The following PTPN18 variants were observed in gnomAD, a reference collection of about 807,000 sequenced individuals.
The protein encoded by PTPN18 is protein tyrosine phosphatase non-receptor type 18, also known as tyrosine-protein phosphatase non-receptor type 18.
A neutral mutation model predicts 65.4 loss-of-function variants in PTPN18; 65 were observed. The ratio of observed to expected loss-of-function variants is 0.99; its 90% confidence interval spans 0.81 to 1.22. The LOEUF is 1.22. Ranked by LOEUF, PTPN18 falls within the 50% of genes most tolerant of loss-of-function variation. PTPN18 has a pLI of 0.00. For missense variants in PTPN18, 616 were observed against 646.5 expected, an observed-to-expected ratio of 0.95 and a Z score of 0.51; for synonymous variants, 255 against 267.8, an observed-to-expected ratio of 0.95 and a Z score of 0.47.
At chr2:130,364,686 CT>C (rs1680327331) in intron 5 of PTPN18, among the ~76,000 whole-genome samples, 1 of 152,192 alleles carries the variant, frequency 6.6e-6, no homozygotes, top group Admixed American at 6.5e-5. Context: ...GTCCCAGCTA[CT>C]CGGGAGGCTG....
At position 130,373,164 on chromosome 2, in the gene PTPN18, C is replaced by T. The variant is rs1449991666; in HGVS notation, c.1323C>T (p.Asn441=). 5.0e-6 allele frequency: 8 copies of T among 1,594,686 alleles called. No homozygotes were observed. The highest frequency in any genetic ancestry group is 6.8e-6 in the Non-Finnish European group (8 of 1,169,950). The change falls in exon 15 of 15, where the codon AAC becomes AAT. Residue 441 remains asparagine, a synonymous_variant. Transcript: ENST00000175756. The surrounding 1 kb of genome is among the most constrained non-coding windows in gnomAD (Gnocchi z 4.1). ...GGAQTGGLGF[N]LRIGRPKGPR... is the part of the protein sequence containing the mutation. ...GCACCCTTCTTCTCCCAGGTTTCAA[C>T]CTGCGCATTGGGAGGCCGAAGGGTC...
intron 12 of PTPN18, 72 bp from the exon 13 acceptor site, chr2:130,372,185 C>A: frequency 2.1e-6 from 3 of 1,421,520 alleles, no homozygotes; most frequent in East Asian, 2.7e-5. Flanking sequence ...GGTTTGCGCG[C>A]TGAGCAGCCT....
chr2:130,374,010 C>T lies in PTPN18; in HGVS notation c.*786C>T, dbSNP rs974798085. The T allele has an allele frequency of 6.5e-6, 1 of 152,880 alleles. No homozygotes were observed. Among genetic ancestry groups the T allele is most frequent in the Non-Finnish European group, 1.5e-5 (1 of 68,600 alleles). 9.5% of individuals were successfully genotyped at this position (152,880 alleles called of 1,614,324 possible). Reference sequence around the variant, plus strand: ...GTGGGCTGGCTGGCTGACAGACCTTCTGGCCAGACAGACTCCTAACCAACC... The same window carrying T: ...GTGGGCTGGCTGGCTGACAGACCTTTTGGCCAGACAGACTCCTAACCAACC... On this transcript the variant is annotated 3_prime_UTR_variant, in exon 15 of 15. Transcript: ENST00000175756.
Position 130,370,157 on chromosome 2 carries a change from G to T in PTPN18, c.656G>T (p.Gly219Val), listed in dbSNP as rs1680510113. The T allele has an allele frequency of 4.3e-6, 7 of 1,613,350 alleles. No individual in the cohort carries two copies. The East Asian group carries it at 1.1e-4, about 26-fold the overall frequency. The change falls in exon 8 of 15, where the codon GGA (glycine) becomes GTA (valine). Residue 219 changes from glycine (G) to valine (V), a missense_variant. By Grantham distance (109) the Gly-to-Val change is moderately radical. Coordinates refer to ENST00000175756, the MANE Select transcript of PTPN18 (RefSeq NM_014369.4). ...GTGGAGGAAGCCCGTCGCCTCCAGGGATCTGGCCCTGAACCCCTCTGTGTC... is the reference window on the plus strand; with the variant it reads ...GTGGAGGAAGCCCGTCGCCTCCAGGTATCTGGCCCTGAACCCCTCTGTGTC... ...AMVEEARRLQ[G>V]SGPEPLCVHC...
chr2:130,361,528 T>TTCTTTC (rs1680200680), intron 5 of PTPN18, among the ~76,000 whole-genome samples: 3 of 135,176 alleles, frequency 2.2e-5, no homozygotes, highest in African/African-American at 8.9e-5. Flanking sequence ...CTTTCTTTCT[T>TTCTTTC]TCTTTCTTTC....
chr2:130,371,054 G>A, intron 11 of PTPN18, 90 bp downstream of exon 11: 1 of 1,441,372 alleles, frequency 6.9e-7, no homozygotes, highest in South Asian at 1.2e-5. Context: ...GGGACTACTG[G>A]GAGCAGGCAC....
Position 130,356,140 on chromosome 2 carries a change from C to T in PTPN18, c.33C>T (p.Phe11=). MSRSLDSARS[F]LERLEARGGR... ...GCAGCCTGGACTCGGCGCGGAGCTT[C>T]CTGGAGCGGCTGGAAGCGCGGGGCG... The change falls in exon 1 of 15, where the codon TTC becomes TTT. Residue 11 remains phenylalanine (F), a synonymous_variant. Transcript: ENST00000175756. The T allele has an allele frequency of 7.6e-7, 1 of 1,315,044 alleles. No homozygotes were observed. The highest frequency in any genetic ancestry group is 9.7e-7 in the Non-Finnish European group (1 of 1,036,110). The allele number at this position is 1,315,044 out of a possible 1,614,324, so 81.5% of individuals were successfully genotyped here.
rs1680602845 is a variant in PTPN18, at chr2:130,372,476, T to C, written c.1233T>C (p.Pro411=). 7.3e-7 allele frequency: 1 copy of C among 1,374,824 alleles called. No individual in the cohort carries two copies. Among genetic ancestry groups the C allele is most frequent in the East Asian group, 3.0e-5 (1 of 33,248 alleles). The allele number at this position is 1,374,824 out of a possible 1,614,324, so 85.2% of individuals were successfully genotyped here. Residue 411 remains proline (P), a synonymous_variant, in exon 13 of 15, where the codon CCT becomes CCC. Transcript: ENST00000175756. ...CGGAGGACGCGAGGGGGACGCTGCC[T>C]GGCCGCGGTGAGTCGAGGCTTGCTC... is the stretch of plus-strand genomic sequence containing the variant. ...AHAEDARGTL[P]GRVPADQSPA...
At position 130,370,704 on chromosome 2, in the gene PTPN18, G is replaced by C. The variant is rs1337504535; in HGVS notation, c.757-1G>C. On this transcript the variant is annotated splice_acceptor_variant, in intron 9 of 14. Transcript: ENST00000175756. LOFTEE classifies it high-confidence loss of function. Reference sequence around the variant, plus strand: ...TCAAGTGCCTTGTCTGTCTGCCCCAGATGATCCCACCTGACTTCAGTCTCT... The same window carrying C: ...TCAAGTGCCTTGTCTGTCTGCCCCACATGATCCCACCTGACTTCAGTCTCT... 1.2e-6 allele frequency: 2 copies of C among 1,614,106 alleles called. No individual in the cohort carries two copies. Among genetic ancestry groups the C allele is most frequent in the Non-Finnish European group, 1.7e-6 (2 of 1,180,044 alleles).
intron 12 of PTPN18, 85 bp from the exon 13 acceptor site, chr2:130,372,172 C>T (rs555167154): frequency 7.4e-5 from 99 of 1,329,076 alleles, no homozygotes; most frequent in Admixed American, 8.9e-5. Context: ...GAAGGAAGCC[C>T]GTGGTTTGCG....
intron 12 of PTPN18, 34 bp from the exon 13 acceptor site, chr2:130,372,223 C>G: frequency 6.4e-7 from 1 of 1,551,998 alleles, no homozygotes; most frequent in Admixed American, 1.8e-5. Flanking sequence ...CCAGCGCCGC[C>G]GTTTCACTTC....
intron 5 of PTPN18, 88 bp downstream of exon 5, chr2:130,359,734 G>A: frequency 6.7e-7 from 1 of 1,483,838 alleles, no homozygotes. Context: ...CAGGACCCGA[G>A]GGTCCAGCTC....
intron 5 of PTPN18, among the ~76,000 whole-genome samples, chr2:130,364,815 C>A (rs568831881): frequency 4.6e-5 from 7 of 152,280 alleles, no homozygotes; most frequent in African/African-American, 1.7e-4. Flanking sequence ...ACAACAACAA[C>A]AACAAAAAAT....
Position 130,374,812 on chromosome 2 carries a change from G to C in PTPN18, c.*1588G>C. 3 of 424,114 alleles carry C rather than the reference G, an allele frequency of 7.1e-6. No individual in the cohort carries two copies. The highest frequency in any genetic ancestry group is 1.4e-5 in the Non-Finnish European group (3 of 208,828). The allele number at this position is 424,114 out of a possible 1,614,324, so 26.3% of individuals were successfully genotyped here. A position where few individuals can be genotyped will look rare whatever the true frequency, so the allele number is the denominator to read the frequency against. The stretch of plus-strand genomic sequence containing the variant: ...CCTCTGCCTGGCTGCATCCATGGTC[G>C]ATCTCAAGTGCCTTGGCATGAACTC... On this transcript the variant is annotated 3_prime_UTR_variant, in exon 15 of 15. Transcript: ENST00000175756.
At chr2:130,371,170 C>T (rs374748520) in intron 11 of PTPN18, 29 bp from the exon 12 acceptor site, 27 of 1,557,480 alleles carry the variant, frequency 1.7e-5, no homozygotes, top group Non-Finnish European at 2.2e-5. Flanking sequence ...CTTCCTCCCT[C>T]AGGAGCCTCC....
chr2:130,356,705 TC>T (rs1390084856), intron 1 of PTPN18: 6 of 445,770 alleles, frequency 1.3e-5, no homozygotes, highest in Non-Finnish European at 2.4e-5. Flanking sequence ...CCGCTTCCCG[TC>T]CCGAATCCGC....
chr2:130,365,489 C>T lies in PTPN18; in HGVS notation c.415-3644C>T, dbSNP rs1680352162. On this transcript the variant is annotated intron_variant, in intron 5 of 14. Coordinates refer to ENST00000175756, the MANE Select transcript of PTPN18 (RefSeq NM_014369.4). Reference sequence around the variant, plus strand: ...GTAAGCGTTATTCTGTATATAAGTCCCTTATCAGTACATGATTTAAAATGT... The same window carrying T: ...GTAAGCGTTATTCTGTATATAAGTCTCTTATCAGTACATGATTTAAAATGT... Among the ~76,000 whole-genome samples, 4 of 152,018 alleles carry T rather than the reference C, an allele frequency of 2.6e-5. No individual in the cohort carries two copies. The South Asian group carries it at 8.3e-4, about 32-fold the overall frequency.
chr2:130,371,314 C>G lies in PTPN18; in HGVS notation c.1013+27C>G, dbSNP rs780827911. On this transcript the variant is annotated intron_variant, in intron 12 of 14. Transcript: ENST00000175756. ...TACCCGGCTCCATCCCCGGATTCTT[C>G]CCTGCCCAATTTCTCAGGCTAACCC... 3.3e-6 allele frequency: 5 copies of G among 1,523,644 alleles called. No homozygotes were observed. In the Admixed American group the frequency reaches 6.9e-5, roughly 21 times the overall value. The allele number at this position is 1,523,644 out of a possible 1,614,324, so 94.4% of individuals were successfully genotyped here. A position where few individuals can be genotyped will look rare whatever the true frequency, so the allele number is the denominator to read the frequency against.
chr2:130,373,093 A>G lies in PTPN18; in HGVS notation c.1316-64A>G, dbSNP rs1680633969. On this transcript the variant is annotated intron_variant, in intron 14 of 14. Coordinates refer to ENST00000175756, the MANE Select transcript of PTPN18 (RefSeq NM_014369.4). The surrounding 1 kb of genome is among the most constrained non-coding windows in gnomAD (Gnocchi z 4.1). ...TGGAGGCGGGGGGATGGCCTTCTTC[A>G]TGTCTGCCAGCTTCCACACACCTCA... The G allele has an allele frequency of 1.3e-6, 2 of 1,549,510 alleles. No individual in the cohort carries two copies. Among genetic ancestry groups the G allele is most frequent in the Admixed American group, 3.6e-5 (2 of 54,916 alleles).
Sources: gnomAD v4.1 joint callset for allele counts (sites outside exome capture counted in the v4.1 genomes callset) on GRCh38, gnomAD v4.1.1 for gene constraint, Gnocchi (gnomAD v3.1) non-coding constraint, MANE v1.5 for transcripts, NCBI Gene and HGNC (gene_info 2026-07-23, HGNC 2026-07-21) for gene names.